TMEM44: variants seen among roughly 807,000 people sequenced by gnomAD.
TMEM44 encodes the protein transmembrane protein 44.
TMEM44 carries 43 observed loss-of-function variants against 47.8 expected under a neutral mutation model. The observed-to-expected ratio is 0.90, with a 90% CI of 0.70 to 1.16. The LOEUF (loss-of-function observed/expected upper bound fraction) is 1.16. Among genes scored for constraint, TMEM44 ranks in the 50% most tolerant of loss-of-function variants. The pLI is 0.00. For missense variants in TMEM44, 568 were observed against 555.2 expected (o/e 1.02, Z -0.23); for synonymous variants, 277 against 238.8 (o/e 1.16, Z -1.48).
In TMEM44 at chr3:194,604,286, C is replaced by G; in HGVS notation, c.1176+1G>C. 6.3e-7 allele frequency: 1 copy of G among 1,576,906 alleles called. No homozygotes were observed. The highest frequency in any genetic ancestry group is 8.6e-7 in the Non-Finnish European group (1 of 1,162,152). On this transcript the variant is annotated splice_donor_variant, in intron 9 of 9. Transcript: ENST00000347147. LOFTEE classifies it high-confidence loss of function. ...CCGCCCAGCAGGCAACAGCCGTGTA[C>G]CTCCAGGTCGGAGTTGATGGAGGAG...
chr3:194,595,620 T>TTCTCTC (rs138074702), intron 9 of TMEM44, among the ~76,000 whole-genome samples: 24 of 13,942 alleles, frequency 1.7e-3, no homozygotes, highest in South Asian at 2.2e-3. Context: ...TCAGTTCTCA[T>TTCTCTC]TCTCTATTTT....
chr3:194,594,133 A>ATCTGTCTGTCTGTCTGTCTGTCTGTCTG (rs1196298353), intron 9 of TMEM44, among the ~76,000 whole-genome samples: 91 of 143,982 alleles, frequency 6.3e-4, no homozygotes, highest in South Asian at 1.5e-3. Context: ...CTATCTATCT[A>ATCTGTCTGTCTGTCTGTCTGTCTGTCTG]TCTATCTATC....
intron 5 of TMEM44, among the ~76,000 whole-genome samples, chr3:194,618,575 TAGTTTATATATATAATTC>T (rs1195112047): frequency 2.0e-5 from 3 of 148,334 alleles, no homozygotes; most frequent in Non-Finnish European, 4.5e-5. Flanking sequence ...ATATATAATT[TAGTTTATATATATAATTC>T]AGTTTATATA....
chr3:194,594,117 TTCTATCTATCTATCTATCTA>T (rs370424904), intron 9 of TMEM44, among the ~76,000 whole-genome samples: 4 of 85,420 alleles, frequency 4.7e-5, no homozygotes, highest in Admixed American at 1.2e-4. Context: ...TGGCCTAATT[TTCTATCTATCTATCTATCTA>T]TCTATCTATC....
At chr3:194,608,601 C>A (rs920043563) in intron 8 of TMEM44, among the ~76,000 whole-genome samples, 6 of 152,166 alleles carry the variant, frequency 3.9e-5, no homozygotes, top group African/African-American at 1.4e-4. Context: ...TCTGGAGAAG[C>A]AGACATTTAC....
At chr3:194,614,319 T>C (rs6787372) in intron 7 of TMEM44, among the ~76,000 whole-genome samples, 57,827 of 151,998 alleles carry the variant, frequency 0.38, 11,839 homozygotes, top group East Asian at 0.79. Context: ...TGGAGCACCG[T>C]GTTAGGTGGT....
intron 9 of TMEM44, among the ~76,000 whole-genome samples, chr3:194,598,006 G>C (rs1713628368): frequency 6.6e-6 from 1 of 152,326 alleles, no homozygotes; most frequent in East Asian, 1.9e-4. Flanking sequence ...GGCTTTGCCA[G>C]GAGTGAGGCT....
rs1714549112 is a variant in TMEM44 at position 194,604,448 on chromosome 3, G to C, written c.1018-3C>G. ...AGCCTGGTGGCACTGCAGCCTGCCT[G>C]CAAGGTGTGTGAGAAAGGGCAGGCA... On this transcript the variant is annotated splice_polypyrimidine_tract_variant and splice_region_variant and intron_variant, in intron 8 of 9. Transcript: ENST00000347147. 6.6e-7 allele frequency: 1 copy of C among 1,504,782 alleles called. No individual in the cohort carries two copies. Among genetic ancestry groups the C allele is most frequent in the Admixed American group, 2.2e-5 (1 of 45,436 alleles). 93.2% of individuals were successfully genotyped at this position (1,504,782 alleles called of 1,614,324 possible). A position where few individuals can be genotyped will look rare whatever the true frequency, so the allele number is the denominator to read the frequency against.
chr3:194,589,359 G>A (rs1213952671), intron 9 of TMEM44: 4 of 152,320 alleles, frequency 2.6e-5, no homozygotes, highest in African/African-American at 4.8e-5. Context: ...TACCTTGACC[G>A]TGTTAGCCCA....
chr3:194,617,655 T>C, intron 5 of TMEM44: 1 of 703,994 alleles, frequency 1.4e-6, no homozygotes, highest in Non-Finnish European at 2.6e-6. Context: ...GCCCAGCACC[T>C]GACGCTGGGC....
At chr3:194,600,299 T>C (rs552485249) in intron 9 of TMEM44, among the ~76,000 whole-genome samples, 16 of 151,936 alleles carry the variant, frequency 1.1e-4, no homozygotes, top group Middle Eastern at 3.4e-3. Context: ...GGGTTTGTAT[T>C]TTTAGTAGAG....
chr3:194,627,114 C>T (rs1451592244), intron 2 of TMEM44, among the ~76,000 whole-genome samples: 1 of 152,194 alleles, frequency 6.6e-6, no homozygotes, highest in African/African-American at 2.4e-5. Context: ...CCAGGCTGGT[C>T]TTGATCTCCT....
intron 1 of TMEM44, among the ~76,000 whole-genome samples, chr3:194,630,758 G>T (rs564911492): frequency 6.8e-6 from 1 of 147,396 alleles, no homozygotes; most frequent in Non-Finnish European, 1.5e-5. Flanking sequence ...TTCCGTCGGC[G>T]TCACTGATGG....
intron 1 of TMEM44, among the ~76,000 whole-genome samples, chr3:194,631,779 C>G (rs1675957): frequency 0.39 from 59,712 of 151,916 alleles, 12,231 homozygotes; most frequent in Non-Finnish European, 0.44. Flanking sequence ...AGCCCACACA[C>G]CACTCCGAAG....
intron 8 of TMEM44, among the ~76,000 whole-genome samples, chr3:194,607,622 G>A (rs789998): frequency 0.31 from 47,689 of 152,016 alleles, 8,923 homozygotes; most frequent in Non-Finnish European, 0.43. Flanking sequence ...AACTGCTCCA[G>A]CCCCCAGTTT....
chr3:194,599,921 G>C (rs7373601), intron 9 of TMEM44, among the ~76,000 whole-genome samples: 1 of 151,298 alleles, frequency 6.6e-6, no homozygotes, highest in Non-Finnish European at 1.5e-5. Flanking sequence ...CACCATACCC[G>C]GCTAATTTTT....
intron 9 of TMEM44, among the ~76,000 whole-genome samples, chr3:194,602,527 G>A (rs1560167524): frequency 6.6e-6 from 1 of 152,212 alleles, no homozygotes; most frequent in African/African-American, 2.4e-5. Context: ...TCTTGAACCC[G>A]GGAGGCGGAG....
intron 9 of TMEM44, chr3:194,593,191 G>A: frequency 9.7e-7 from 1 of 1,027,384 alleles, no homozygotes; most frequent in Non-Finnish European, 1.5e-6. Flanking sequence ...CAGGCCCTTA[G>A]ATGGTTGGGG....
intron 9 of TMEM44, chr3:194,590,325 T>A (rs1333320990): frequency 1.3e-5 from 2 of 152,228 alleles, no homozygotes; most frequent in Admixed American, 6.5e-5. Flanking sequence ...ACCACCTGAT[T>A]CCCAGTGACC....
Sources: allele counts gnomAD v4.1 joint callset (sites outside exome capture counted in the v4.1 genomes callset), GRCh38; gene constraint gnomAD v4.1.1; transcripts MANE v1.5; gene names NCBI Gene and HGNC (gene_info 2026-07-23, HGNC 2026-07-21).